The following ALDH7A1 variants were observed in gnomAD, a reference collection of about 807,000 sequenced individuals.
The protein encoded by ALDH7A1 is aldehyde dehydrogenase 7 family member A1.
ALDH7A1 carries 63 observed loss-of-function variants against 79.9 expected under a neutral mutation model. The ratio of observed to expected loss-of-function variants is 0.79; its 90% confidence interval spans 0.64 to 0.97. The LOEUF (loss-of-function observed/expected upper bound fraction) is 0.97, where lower values mean the gene tolerates loss of function less well. Among genes scored for constraint, ALDH7A1 ranks in the 50% least tolerant of loss-of-function variants. The pLI is 0.00. For missense variants in ALDH7A1, 627 were observed against 665.2 expected (o/e 0.94, Z 0.63); for synonymous variants, 240 against 231.2 (o/e 1.04, Z -0.34).
rs184075835 is a variant in ALDH7A1 at position 126,590,417 on chromosome 5, G to C, written c.312+2247C>G. Among the ~76,000 whole-genome samples the C allele has an allele frequency of 1.9e-3, 283 of 152,320 alleles. 1 individual carries two copies. The highest frequency in any genetic ancestry group is 6.5e-3 in the African/African-American group (272 of 41,582). On this transcript the variant is annotated intron_variant, in intron 3 of 17. Transcript: ENST00000409134. ...ATATATTTTTTAAAAAAATTAGCCAGGCCTGGTGGCGCACACCTGTAGTTT... is the reference window on the plus strand; with the variant it reads ...ATATATTTTTTAAAAAAATTAGCCACGCCTGGTGGCGCACACCTGTAGTTT...
intron 17 of ALDH7A1, among the ~76,000 whole-genome samples, chr5:126,545,568 C>G (rs1211715907): frequency 6.7e-6 from 1 of 148,288 alleles, no homozygotes; most frequent in Non-Finnish European, 1.5e-5. Context: ...CGTGGATCAC[C>G]TGAGGTCAGG....
chr5:126,559,116 T>A (rs1750304135), intron 11 of ALDH7A1, 124 bp downstream of exon 11: 5 of 784,038 alleles, frequency 6.4e-6, no homozygotes, highest in Non-Finnish European at 6.6e-6. Flanking sequence ...GGACCACATA[T>A]TTGCCAGCCA....
intron 11 of ALDH7A1, among the ~76,000 whole-genome samples, chr5:126,556,749 G>A (rs1750209839): frequency 6.6e-6 from 1 of 152,144 alleles, no homozygotes; most frequent in Admixed American, 6.5e-5. Context: ...TTAATTAGGT[G>A]AGGACAACCC....
intron 7 of ALDH7A1, among the ~76,000 whole-genome samples, chr5:126,574,156 T>C (rs193273728): frequency 6.6e-6 from 1 of 151,898 alleles, no homozygotes; most frequent in Admixed American, 6.6e-5. Flanking sequence ...ATCCCAGCAC[T>C]TTGGGAGGCC....
intron 12 of ALDH7A1, 33 bp downstream of exon 12, chr5:126,555,898 G>A: frequency 2.0e-6 from 3 of 1,528,244 alleles, no homozygotes; most frequent in Non-Finnish European, 2.7e-6. Context: ...CTCTCAAAAA[G>A]GGATCGCTTT....
rs542748598 is a variant in ALDH7A1 at position 126,544,712 on chromosome 5, T to G, written c.*253A>C. The G allele has an allele frequency of 2.0e-6, 1 of 499,602 alleles. No individual in the cohort carries two copies. Among genetic ancestry groups the G allele is most frequent in the Non-Finnish European group, 3.6e-6 (1 of 276,698 alleles). 30.9% of individuals were successfully genotyped at this position (499,602 alleles called of 1,614,324 possible). ...ATAATCATTAACTTTTAAAAAGCCA[T>G]GTACAACTAGTTGACATAATAAAAA... is the stretch of plus-strand genomic sequence containing the variant. On this transcript the variant is annotated 3_prime_UTR_variant, in exon 18 of 18. Coordinates refer to ENST00000409134, the MANE Select transcript of ALDH7A1 (RefSeq NM_001182.5).
Position 126,559,319 on chromosome 5 carries a change from T to A in ALDH7A1, c.929A>T (p.Asp310Val). The A allele has an allele frequency of 6.2e-7, 1 of 1,613,946 alleles. No individual in the cohort carries two copies. The highest frequency in any genetic ancestry group is 8.5e-7 in the Non-Finnish European group (1 of 1,179,894). The change falls in exon 11 of 18, where the codon GAC (aspartate) becomes GTC (valine). Residue 310 changes from aspartate (D) to valine (V), a missense_variant. Physicochemically the swap from Asp to Val is radical, Grantham distance 152. Transcript: ENST00000409134. Reference protein sequence around the residue: ...NNAIIAFEDADLSLVVPSALF... With the variant: ...NNAIIAFEDAVLSLVVPSALF... Reference sequence around the variant, plus strand: ...AGCTGATGGAACAACTAAGCTGAGGTCTGCATCTTCAAAGGCTTAGGAAAG... The same window carrying A: ...AGCTGATGGAACAACTAAGCTGAGGACTGCATCTTCAAAGGCTTAGGAAAG...
At chr5:126,555,177 ACT>A (rs1750145771) in intron 12 of ALDH7A1, 1 of 153,120 alleles carries the variant, frequency 6.5e-6, no homozygotes, top group African/African-American at 2.4e-5. Flanking sequence ...AATCAAGAGG[ACT>A]CTCGGTTTTA....
chr5:126,568,424 C>A (rs552404506), intron 8 of ALDH7A1, 68 bp from the exon 9 acceptor site: 2 of 1,303,106 alleles, frequency 1.5e-6, no homozygotes, highest in East Asian at 4.6e-5. Context: ...TCTAATGGTA[C>A]CCAGCACTGA....
chr5:126,571,150 A>ATTTTTTTTTTTTTTTTTTTTTTTTTT (rs386404930), intron 7 of ALDH7A1: 1 of 206,660 alleles, frequency 4.8e-6, no homozygotes, highest in African/African-American at 2.7e-5. Flanking sequence ...CTATTAGCAG[A>ATTTTTTTTTTTTTTTTTTTTTTTTTT]TTTTTTTTTT....
chr5:126,564,260 A>G (rs1750496453), intron 9 of ALDH7A1: 1 of 211,938 alleles, frequency 4.7e-6, no homozygotes, highest in African/African-American at 2.3e-5. Flanking sequence ...GGTTCAAGCA[A>G]TTCTCTTGCC....
chr5:126,576,783 C>A (rs1046936633), intron 6 of ALDH7A1, among the ~76,000 whole-genome samples: 1 of 151,998 alleles, frequency 6.6e-6, no homozygotes, highest in South Asian at 2.1e-4. Flanking sequence ...AAAAATGAGC[C>A]GGGCATGGTT....
At chr5:126,593,635 T>C (rs904555055) in intron 1 of ALDH7A1, 4 of 622,216 alleles carry the variant, frequency 6.4e-6, no homozygotes, top group African/African-American at 1.8e-5. Context: ...GACATCTCAA[T>C]ATTAGGCATA....
Position 126,583,990 on chromosome 5 carries a change from TCTC to T in ALDH7A1, c.332_334del (p.Gly111del), listed in dbSNP as rs1267263468. 1.2e-6 allele frequency: 2 copies of T among 1,614,100 alleles called. No homozygotes were observed. The highest frequency in any genetic ancestry group is 1.3e-5 in the African/African-American group (1 of 74,954). On this transcript the variant is annotated inframe_deletion, in exon 4 of 18. Transcript: ENST00000409134. ...GGCATCGCCAATCTGTCTTACTATT[TCTC>T]CTCGTTTTGGAGCAGGAATCTAAGA...
At chr5:126,574,455 G>C (rs1274285483) in intron 7 of ALDH7A1, among the ~76,000 whole-genome samples, 1 of 151,186 alleles carries the variant, frequency 6.6e-6, no homozygotes, top group Non-Finnish European at 1.5e-5. Flanking sequence ...CAGCACTTTG[G>C]GAAGCTGAGG....
intron 3 of ALDH7A1, chr5:126,586,527 C>A (rs1751363213): frequency 6.6e-6 from 1 of 152,220 alleles, no homozygotes; most frequent in Non-Finnish European, 1.5e-5. Context: ...AGTTACAATT[C>A]TTGCCCTCTA....
chr5:126,592,413 T>C (rs1751582282), intron 3 of ALDH7A1: 2 of 544,330 alleles, frequency 3.7e-6, no homozygotes, highest in Non-Finnish European at 6.5e-6. Context: ...GTTTATACTA[T>C]ACCAGCACAA....
intron 5 of ALDH7A1, among the ~76,000 whole-genome samples, 172 bp from the exon 6 acceptor site, chr5:126,577,383 A>C (rs1424372178): frequency 6.6e-6 from 1 of 152,202 alleles, no homozygotes; most frequent in African/African-American, 2.4e-5. Context: ...AAAAGTGGTT[A>C]TTACCACACT....
At chr5:126,589,228 G>A (rs886143917) in intron 3 of ALDH7A1, among the ~76,000 whole-genome samples, 3 of 151,968 alleles carry the variant, frequency 2.0e-5, no homozygotes, top group African/African-American at 7.2e-5. Context: ...CTCAATCTCC[G>A]CTCACTGCAA....
Sources: allele counts gnomAD v4.1 joint callset (sites outside exome capture counted in the v4.1 genomes callset), GRCh38; gene constraint gnomAD v4.1.1; transcripts MANE v1.5; gene names NCBI Gene and HGNC (gene_info 2026-07-23, HGNC 2026-07-21).